The following CNTN5 variants were observed in gnomAD, a reference collection of about 807,000 sequenced individuals.
CNTN5 encodes contactin-5.
Under a neutral mutation model 129.1 loss-of-function variants are expected in CNTN5, and 77 were observed. That is an observed-to-expected ratio of 0.60 (90% CI 0.50 to 0.72). The LOEUF is 0.72. Ranked by LOEUF, CNTN5 falls within the 30% of genes least tolerant of loss-of-function variation. The probability of loss-of-function intolerance (pLI) is 0.00; values close to 1 mark genes in which losing one functional copy is unlikely to be tolerated. For synonymous variants in CNTN5, 509 were observed against 465.6 expected, an observed-to-expected ratio of 1.09 and a Z score of -1.20; for missense variants, 1,478 against 1,328.8, an observed-to-expected ratio of 1.11 and a Z score of -1.75.
intron 2 of CNTN5, among the ~76,000 whole-genome samples, chr11:99,373,832 C>T (rs1010469823): frequency 4.7e-5 from 7 of 150,278 alleles, no homozygotes; most frequent in African/African-American, 1.7e-4. Flanking sequence ...ATTTTGTTAA[C>T]ATAATAAAAT....
intron 9 of CNTN5, among the ~76,000 whole-genome samples, chr11:100,025,227 T>G (rs1941360296): frequency 6.6e-6 from 1 of 152,216 alleles, no homozygotes; most frequent in South Asian, 2.1e-4. Context: ...GATCATTGTT[T>G]CAGAGGGTGC....
chr11:99,223,405 T>C (rs1860505465), intron 1 of CNTN5, among the ~76,000 whole-genome samples: 1 of 152,212 alleles, frequency 6.6e-6, no homozygotes, highest in South Asian at 2.1e-4. Context: ...AACCAAAATA[T>C]ACTTATTTCT....
intron 3 of CNTN5, among the ~76,000 whole-genome samples, chr11:99,705,068 T>G (rs1271790886): frequency 6.6e-6 from 1 of 151,372 alleles, no homozygotes; most frequent in African/African-American, 2.4e-5. Flanking sequence ...AAAAATTAGC[T>G]GTATCTTCCA....
intron 3 of CNTN5, among the ~76,000 whole-genome samples, chr11:99,683,518 A>T (rs1340075774): frequency 1.3e-5 from 2 of 151,860 alleles, no homozygotes; most frequent in Non-Finnish European, 2.9e-5. Flanking sequence ...TGCCAATATC[A>T]TACTGCCTTG....
chr11:99,817,629 A>G lies in CNTN5; in HGVS notation c.56-1915A>G, dbSNP rs114133876. On this transcript the variant is annotated intron_variant, in intron 3 of 24. Coordinates refer to ENST00000524871, the MANE Select transcript of CNTN5 (RefSeq NM_014361.4). ...TTTTTTTTTTTTTTTTTCCTTTATAAATGAGCAGGGCAGAGAGTTAAAACA... is the reference window on the plus strand; with the variant it reads ...TTTTTTTTTTTTTTTTTCCTTTATAGATGAGCAGGGCAGAGAGTTAAAACA... 3.7e-3 allele frequency among the ~76,000 whole-genome samples: 387 copies of G among 103,360 alleles called. 3 individuals carry two copies. Among genetic ancestry groups the G allele is most frequent in the African/African-American group, 0.013 (341 of 27,174 alleles). The allele number at this position is 103,360 out of a possible 152,430, so 67.8% of individuals were successfully genotyped here. A position where few individuals can be genotyped will look rare whatever the true frequency, so the allele number is the denominator to read the frequency against.
chr11:99,631,890 G>C (rs991072445), intron 3 of CNTN5, among the ~76,000 whole-genome samples: 28 of 152,128 alleles, frequency 1.8e-4, no homozygotes, highest in African/African-American at 6.3e-4. Context: ...TAGGTATTTT[G>C]AGAGACAGAC....
At chr11:99,213,602 T>G (rs1245323150) in intron 1 of CNTN5, among the ~76,000 whole-genome samples, 1 of 151,606 alleles carries the variant, frequency 6.6e-6, no homozygotes, top group Non-Finnish European at 1.5e-5. Context: ...AAAAACAGAA[T>G]GTAATAAATT....
intron 1 of CNTN5, among the ~76,000 whole-genome samples, chr11:99,315,526 A>C (rs1865302748): frequency 6.7e-6 from 1 of 149,800 alleles, no homozygotes; most frequent in South Asian, 2.1e-4. Flanking sequence ...TCAACAGAAC[A>C]TAGTCAATTA....
At chr11:99,550,509 A>G (rs1271697519) in intron 2 of CNTN5, among the ~76,000 whole-genome samples, 2 of 152,092 alleles carry the variant, frequency 1.3e-5, no homozygotes, top group Non-Finnish European at 2.9e-5. Context: ...TCCAAGCAAA[A>G]TGTCACAAGC....
chr11:99,035,404 T>C (rs1863664478), intron 1 of CNTN5, among the ~76,000 whole-genome samples: 1 of 152,126 alleles, frequency 6.6e-6, no homozygotes, highest in African/African-American at 2.4e-5. Flanking sequence ...CGTGGGAGTC[T>C]AAGTCTCTTT....
chr11:99,889,873 T>C (rs1050575209), intron 6 of CNTN5, among the ~76,000 whole-genome samples: 1 of 152,170 alleles, frequency 6.6e-6, no homozygotes, highest in Non-Finnish European at 1.5e-5. Context: ...TCCAAAATAC[T>C]ATTGAGGTGT....
intron 3 of CNTN5, among the ~76,000 whole-genome samples, chr11:99,733,171 A>G (rs1157702621): frequency 6.6e-6 from 1 of 152,132 alleles, no homozygotes; most frequent in South Asian, 2.1e-4. Flanking sequence ...TAAGAATACA[A>G]AAAAAGCCGA....
At chr11:99,539,435 T>C (rs1017642098) in intron 2 of CNTN5, among the ~76,000 whole-genome samples, 5 of 152,104 alleles carry the variant, frequency 3.3e-5, no homozygotes, top group Non-Finnish European at 5.9e-5. Flanking sequence ...CTAAATCCTC[T>C]CTAAACATTA....
chr11:99,962,945 A>G (rs1166100917), intron 8 of CNTN5, among the ~76,000 whole-genome samples: 3 of 151,244 alleles, frequency 2.0e-5, no homozygotes, highest in Admixed American at 6.6e-5. Context: ...TTTTGGCTGT[A>G]TAAATGTCTT....
intron 18 of CNTN5, among the ~76,000 whole-genome samples, chr11:100,286,048 A>T (rs570981): frequency 4.0e-5 from 6 of 151,752 alleles, no homozygotes; most frequent in African/African-American, 1.2e-4. Context: ...CTTTTCCGAT[A>T]GGCTTAAAAA....
intron 13 of CNTN5, among the ~76,000 whole-genome samples, chr11:100,141,807 T>G (rs1946704468): frequency 1.3e-5 from 2 of 152,106 alleles, no homozygotes. Flanking sequence ...TTATGATGGG[T>G]AATTTGAGGT....
At chr11:99,378,839 A>G (rs888041327) in intron 2 of CNTN5, among the ~76,000 whole-genome samples, 2 of 152,130 alleles carry the variant, frequency 1.3e-5, no homozygotes, top group Admixed American at 6.5e-5. Context: ...AAACAGTATG[A>G]TATACACTGA....
chr11:99,427,792 A>C (rs1943195372), intron 2 of CNTN5, among the ~76,000 whole-genome samples: 1 of 146,286 alleles, frequency 6.8e-6, no homozygotes, highest in Non-Finnish European at 1.5e-5. Flanking sequence ...AAAAAAAAAA[A>C]GTTAAAATTT....
chr11:100,076,368 G>A (rs959944464), intron 13 of CNTN5, among the ~76,000 whole-genome samples: 6 of 152,038 alleles, frequency 3.9e-5, no homozygotes, highest in South Asian at 2.1e-4. Flanking sequence ...GTTGAAAAAT[G>A]ACACATGGTG....
Sources: allele counts gnomAD v4.1 joint callset (sites outside exome capture counted in the v4.1 genomes callset), GRCh38; gene constraint gnomAD v4.1.1; transcripts MANE v1.5; gene names NCBI Gene and HGNC (gene_info 2026-07-23, HGNC 2026-07-21).